ZBTB46: variants seen among roughly 807,000 people sequenced by gnomAD.
ZBTB46 encodes zinc finger and BTB domain containing 46.
Under a neutral mutation model 44.1 loss-of-function variants are expected in ZBTB46, and 8 were observed. The ratio of observed to expected loss-of-function variants is 0.18; its 90% CI spans 0.11 to 0.33. The LOEUF is 0.33. ZBTB46 is among the 10% of genes least tolerant of loss of function. The pLI, the probability that ZBTB46 is intolerant of heterozygous loss-of-function variation, is 1.00. For synonymous variants in ZBTB46, 409 were observed against 382.3 expected (o/e 1.07, Z -0.81); for missense variants, 651 against 847.7 (o/e 0.77, Z 2.88).
At chr20:63,805,354 G>T (rs2092674681) in intron 1 of ZBTB46, among the ~76,000 whole-genome samples, 1 of 152,340 alleles carries the variant, frequency 6.6e-6, no homozygotes, top group South Asian at 2.1e-4. Flanking sequence ...GCAGCACGTT[G>T]AGAGGCTGAG....
Position 63,775,903 on chromosome 20 carries a change from G to C in ZBTB46, c.997C>G (p.Leu333Val). ...SSDSRGERAE[L>V]YAQVEEGLLG... ...AGACCCTCCTCCACCTGTGCATAGA[G>C]CTCGGCCCTCTCTCCTCGGCTGTCG... The change falls in exon 3 of 5, where the codon CTC becomes GTC. Residue 333 changes from leucine to valine, a missense_variant. Leu to Val is a conservative substitution (Grantham distance 32, BLOSUM62 1). Transcript: ENST00000245663. 1 of 1,606,796 alleles carries C rather than the reference G, an allele frequency of 6.2e-7. No homozygotes were observed. Among genetic ancestry groups the C allele is most frequent in the Non-Finnish European group, 8.5e-7 (1 of 1,177,562 alleles).
At chr20:63,754,357 T>G (rs1432453766) in intron 3 of ZBTB46, among the ~76,000 whole-genome samples, 1 of 152,162 alleles carries the variant, frequency 6.6e-6, no homozygotes, top group Non-Finnish European at 1.5e-5. Flanking sequence ...AGCGCCTGGT[T>G]CTCGCATTAT....
intron 4 of ZBTB46, among the ~76,000 whole-genome samples, chr20:63,749,716 C>G (rs1255524916): frequency 1.3e-5 from 2 of 152,244 alleles, no homozygotes; most frequent in African/African-American, 4.8e-5. Flanking sequence ...AGCACAGTAA[C>G]CTGGTGCACA....
At chr20:63,807,482 C>A (rs2092689009) in intron 1 of ZBTB46, among the ~76,000 whole-genome samples, 1 of 152,130 alleles carries the variant, frequency 6.6e-6, no homozygotes, top group Non-Finnish European at 1.5e-5. Context: ...GTATCTCGGA[C>A]TACAGGCGCA....
intron 3 of ZBTB46, among the ~76,000 whole-genome samples, chr20:63,771,476 G>A (rs529229972): frequency 2.0e-5 from 3 of 152,312 alleles, no homozygotes; most frequent in African/African-American, 4.8e-5. Flanking sequence ...TGAGTTCAAC[G>A]CTTCAGATCA....
At chr20:63,749,758 G>A (rs2092143318) in intron 4 of ZBTB46, among the ~76,000 whole-genome samples, 1 of 152,246 alleles carries the variant, frequency 6.6e-6, no homozygotes. Context: ...CGGGGCTAGT[G>A]AAAAACACTG....
intron 1 of ZBTB46, chr20:63,808,077 G>A (rs1407123082): frequency 6.5e-6 from 1 of 153,058 alleles, no homozygotes; most frequent in Non-Finnish European, 1.5e-5. Context: ...GGACACTCAC[G>A]GAAGCTGAAC....
At chr20:63,763,615 A>G (rs959745936) in intron 3 of ZBTB46, among the ~76,000 whole-genome samples, 2 of 152,188 alleles carry the variant, frequency 1.3e-5, no homozygotes, top group African/African-American at 4.8e-5. Flanking sequence ...GGAGGGAGCT[A>G]AATCATCCAT....
chr20:63,778,957 G>A (rs943614190), intron 2 of ZBTB46, among the ~76,000 whole-genome samples: 2 of 152,202 alleles, frequency 1.3e-5, no homozygotes, highest in Admixed American at 1.3e-4. Context: ...CAGATCTGCT[G>A]TCTGGTGAGG....
chr20:63,775,623 CCCTCAG>C, intron 3 of ZBTB46, 49 bp downstream of exon 3: 1 of 1,510,892 alleles, frequency 6.6e-7, no homozygotes, highest in Non-Finnish European at 8.8e-7. Flanking sequence ...GGACCTGCAA[CCCTCAG>C]CCTTCAAAAC....
chr20:63,819,655 C>A (rs1329541661), intron 1 of ZBTB46, among the ~76,000 whole-genome samples: 1 of 152,198 alleles, frequency 6.6e-6, no homozygotes, highest in Admixed American at 6.5e-5. Context: ...AACCACTTCT[C>A]GGCCTCCCTG....
At chr20:63,749,689 C>T (rs1440353258) in intron 4 of ZBTB46, among the ~76,000 whole-genome samples, 1 of 152,236 alleles carries the variant, frequency 6.6e-6, no homozygotes, top group Non-Finnish European at 1.5e-5. Flanking sequence ...CAAGACAAGC[C>T]ACAGTAGAAA....
intron 1 of ZBTB46, among the ~76,000 whole-genome samples, chr20:63,791,464 C>G (rs1289412337): frequency 6.9e-6 from 1 of 145,930 alleles, no homozygotes; most frequent in Non-Finnish European, 1.5e-5. Flanking sequence ...CCAGTGCACT[C>G]CAGCCTGGGC....
chr20:63,768,037 G>A (rs759215789), intron 3 of ZBTB46: 315 of 985,354 alleles, frequency 3.2e-4, no homozygotes, highest in Non-Finnish European at 3.6e-4. Context: ...AAAGCAGCAA[G>A]ACTTCTAGTG....
chr20:63,827,011 G>A (rs1472325939), intron 1 of ZBTB46, among the ~76,000 whole-genome samples: 1 of 152,030 alleles, frequency 6.6e-6, no homozygotes, highest in Non-Finnish European at 1.5e-5. Flanking sequence ...TCTCCGAGTG[G>A]ACTCCCTTCC....
At chr20:63,774,829 G>A (rs528508466) in intron 3 of ZBTB46, among the ~76,000 whole-genome samples, 98 of 145,056 alleles carry the variant, frequency 6.8e-4, no homozygotes, top group Admixed American at 1.6e-3. Flanking sequence ...TCAGTCTCCC[G>A]AGTAGCTGGG....
At chr20:63,774,689 GT>G (rs1292458776) in intron 3 of ZBTB46, among the ~76,000 whole-genome samples, 1 of 44,158 alleles carries the variant, frequency 2.3e-5, no homozygotes, top group Non-Finnish European at 4.7e-5. Flanking sequence ...GCTGCGGTGG[GT>G]TTTTTTTGTT....
chr20:63,794,256 A>G (rs2092584024), intron 1 of ZBTB46, among the ~76,000 whole-genome samples: 1 of 151,892 alleles, frequency 6.6e-6, no homozygotes, highest in Admixed American at 6.6e-5. Flanking sequence ...CAGTGGCACG[A>G]TCTCGGCTCA....
chr20:63,800,177 C>T (rs2092632658), intron 1 of ZBTB46, among the ~76,000 whole-genome samples: 1 of 152,196 alleles, frequency 6.6e-6, no homozygotes, highest in African/African-American at 2.4e-5. Flanking sequence ...AGCCTTCCGT[C>T]CCCCTATACA....
Sources: allele counts gnomAD v4.1 joint callset (sites outside exome capture counted in the v4.1 genomes callset), GRCh38; gene constraint gnomAD v4.1.1; transcripts MANE v1.5; gene names NCBI Gene and HGNC (gene_info 2026-07-23, HGNC 2026-07-21).